The following STK10 variants were observed in gnomAD, a reference collection of about 807,000 sequenced individuals.
The protein encoded by STK10 is serine/threonine-protein kinase 10.
STK10 carries 78 observed loss-of-function variants against 113.8 expected under a neutral mutation model. The ratio of observed to expected loss-of-function variants is 0.69; its 90% confidence interval spans 0.57 to 0.83. STK10 has a LOEUF of 0.83. Ranked by LOEUF, STK10 falls within the 40% of genes least tolerant of loss-of-function variation. STK10 has a pLI of 0.00. For synonymous variants in STK10, 465 were observed against 494.7 expected (o/e 0.94, Z 0.80); for missense variants, 1,109 against 1,280.1 (o/e 0.87, Z 2.04).
At chr5:172,064,833 A>G in intron 12 of STK10, 21 bp from the exon 13 acceptor site, 12 of 1,613,514 alleles carry the variant, frequency 7.4e-6, no homozygotes, top group Non-Finnish European at 1.0e-5. Flanking sequence ...GACAGCAGAG[A>G]GTAGCTGGGT....
intron 12 of STK10, among the ~76,000 whole-genome samples, chr5:172,069,755 G>C (rs944442515): frequency 6.6e-6 from 1 of 152,186 alleles, no homozygotes. Context: ...AGTAGAACAA[G>C]TGGTCAGAAA....
intron 2 of STK10, among the ~76,000 whole-genome samples, chr5:172,155,263 C>A (rs908305862): frequency 1.3e-5 from 2 of 152,014 alleles, no homozygotes; most frequent in South Asian, 4.2e-4. Flanking sequence ...TTTGGGCAGC[C>A]GAGGCAGGTG....
intron 2 of STK10, among the ~76,000 whole-genome samples, chr5:172,150,921 C>T (rs1325345332): frequency 6.6e-6 from 1 of 152,220 alleles, no homozygotes; most frequent in East Asian, 1.9e-4. Flanking sequence ...CGTTCTTGGG[C>T]TGGGCCACCC....
intron 1 of STK10, among the ~76,000 whole-genome samples, chr5:172,180,991 G>A (rs11958594): frequency 0.057 from 8,680 of 152,204 alleles, 794 homozygotes; most frequent in African/African-American, 0.2. Flanking sequence ...GCAAGTGAAC[G>A]CCGCAGATGA....
intron 7 of STK10, among the ~76,000 whole-genome samples, chr5:172,099,019 ATCACCACCATCACCT>A (rs1233996524): frequency 1.8e-4 from 27 of 151,544 alleles, no homozygotes; most frequent in Non-Finnish European, 2.1e-4. Context: ...CATCATCATC[ATCACCACCATCACCT>A]TCACCACCAT....
At position 172,048,950 on chromosome 5, in the gene STK10, G is replaced by T. The variant is rs549912546; in HGVS notation, c.2767-3928C>A. Among the ~76,000 whole-genome samples, 52 of 151,944 alleles carry T rather than the reference G, an allele frequency of 3.4e-4. No homozygotes were observed. In the South Asian group the frequency reaches 0.01, roughly 30 times the overall value. On this transcript the variant is annotated intron_variant, in intron 18 of 18. Transcript: ENST00000176763. ...CGGGCCTTTGCAGTTGCTCTTCCCT[G>T]TGCTGGGAATGTCCCCCTGAAAACC...
At chr5:172,083,879 G>A (rs988527633) in intron 10 of STK10, among the ~76,000 whole-genome samples, 2 of 143,560 alleles carry the variant, frequency 1.4e-5, no homozygotes, top group African/African-American at 5.2e-5. Context: ...TTGCACTCCA[G>A]CCTGGACTAC....
chr5:172,091,199 A>G (rs1196567202), intron 9 of STK10, among the ~76,000 whole-genome samples: 1 of 152,132 alleles, frequency 6.6e-6, no homozygotes, highest in East Asian at 1.9e-4. Flanking sequence ...ATTACTGCAG[A>G]CCACACACAA....
intron 2 of STK10, among the ~76,000 whole-genome samples, chr5:172,143,680 T>C (rs1770023523): frequency 6.6e-6 from 1 of 152,182 alleles, no homozygotes; most frequent in African/African-American, 2.4e-5. Flanking sequence ...ATCTGGAAAA[T>C]GAAGCTCTCA....
chr5:172,160,228 T>C (rs1259724282), intron 1 of STK10, among the ~76,000 whole-genome samples: 9 of 150,258 alleles, frequency 6.0e-5, no homozygotes, highest in Non-Finnish European at 1.2e-4. Flanking sequence ...AATCCCAGCA[T>C]TTTGGGAGGC....
chr5:172,175,943 A>T (rs1255387929), intron 1 of STK10, among the ~76,000 whole-genome samples: 2 of 152,160 alleles, frequency 1.3e-5, no homozygotes, highest in African/African-American at 4.8e-5. Flanking sequence ...AGAATAAATG[A>T]TGGACATGTA....
chr5:172,181,987 A>G lies in STK10; in HGVS notation c.156+5900T>C, dbSNP rs529077405. 2.0e-5 allele frequency among the ~76,000 whole-genome samples: 3 copies of G among 152,092 alleles called. No homozygotes were observed. The South Asian group carries it at 6.2e-4, about 32-fold the overall frequency. On this transcript the variant is annotated intron_variant, in intron 1 of 18. Transcript: ENST00000176763. ...CTGCTATTTGTTTGGTAAACTCCCA[A>G]TTTTGCAAAACAATAAATCTTTTAA...
intron 12 of STK10, among the ~76,000 whole-genome samples, chr5:172,066,959 G>C (rs558812401): frequency 1.9e-3 from 289 of 152,304 alleles, no homozygotes; most frequent in African/African-American, 6.6e-3. Flanking sequence ...CAGAAGATCA[G>C]ACAGAACCTG....
At chr5:172,077,378 T>A (rs1768334835) in intron 12 of STK10, among the ~76,000 whole-genome samples, 1 of 152,240 alleles carries the variant, frequency 6.6e-6, no homozygotes, top group African/African-American at 2.4e-5. Context: ...AAAGATTTCC[T>A]TCAAGACTGG....
intron 1 of STK10, among the ~76,000 whole-genome samples, chr5:172,172,997 G>C (rs1273146197): frequency 6.6e-6 from 1 of 151,674 alleles, no homozygotes; most frequent in Non-Finnish European, 1.5e-5. Flanking sequence ...AAAAAAAAAA[G>C]CCTCTGAGGC....
chr5:172,151,508 G>A (rs755299764), intron 2 of STK10, among the ~76,000 whole-genome samples: 4 of 152,086 alleles, frequency 2.6e-5, no homozygotes, highest in East Asian at 3.9e-4. Flanking sequence ...CACCACGCCC[G>A]GCTAACTTTT....
intron 4 of STK10, 101 bp downstream of exon 4, chr5:172,117,380 C>T: frequency 1.4e-6 from 2 of 1,424,652 alleles, no homozygotes; most frequent in Non-Finnish European, 1.9e-6. Context: ...GAGGACCCCA[C>T]ACCCCCATGA....
rs1481407542 is a variant in STK10, at chr5:172,042,156, AT to A, written c.*2725del. ...AGAGAACATTTTACAAAAATTTTGT[AT>A]AAAGTCTGGAAACTACATAAAAATA... On this transcript the variant is annotated 3_prime_UTR_variant, in exon 19 of 19. Transcript: ENST00000176763. 2 of 152,690 alleles carry A rather than the reference AT, an allele frequency of 1.3e-5. No individual in the cohort carries two copies. Among genetic ancestry groups the A allele is most frequent in the East Asian group, 3.8e-4 (2 of 5,202 alleles). The allele number at this position is 152,690 out of a possible 1,614,324, so 9.5% of individuals were successfully genotyped here.
At chr5:172,169,556 A>G (rs1334288194) in intron 1 of STK10, among the ~76,000 whole-genome samples, 1 of 152,152 alleles carries the variant, frequency 6.6e-6, no homozygotes, top group Admixed American at 6.5e-5. Context: ...GATGCATGGG[A>G]GAGTGAGTTG....
Sources: gnomAD v4.1 joint callset for allele counts (sites outside exome capture counted in the v4.1 genomes callset) on GRCh38, gnomAD v4.1.1 for gene constraint, MANE v1.5 for transcripts, NCBI Gene and HGNC (gene_info 2026-07-23, HGNC 2026-07-21) for gene names.